The following GABRB2 variants were observed in gnomAD, a reference collection of about 807,000 sequenced individuals.
GABRB2 encodes the protein gamma-aminobutyric acid type A receptor subunit beta2, also known as gamma-aminobutyric acid receptor subunit beta-2.
A neutral mutation model predicts 54.7 loss-of-function variants in GABRB2; 16 were observed. The ratio of observed to expected loss-of-function variants is 0.29; its 90% CI spans 0.20 to 0.44. GABRB2 has a LOEUF of 0.44. GABRB2 is among the 20% of genes least tolerant of loss of function. GABRB2 has a pLI of 1.00. For synonymous variants in GABRB2, 244 were observed against 233.8 expected, an observed-to-expected ratio of 1.04 and a Z score of -0.40; for missense variants, 355 against 644.0, an observed-to-expected ratio of 0.55 and a Z score of 4.86.
chr5:161,515,901 G>A (rs1759928619), intron 3 of GABRB2, among the ~76,000 whole-genome samples: 1 of 152,148 alleles, frequency 6.6e-6, no homozygotes, highest in Non-Finnish European at 1.5e-5. Context: ...TATTAGAAAC[G>A]TATGTGAAGA....
At chr5:161,339,508 A>C (rs1376372384) in intron 5 of GABRB2, among the ~76,000 whole-genome samples, 2 of 152,116 alleles carry the variant, frequency 1.3e-5, no homozygotes, top group Non-Finnish European at 2.9e-5. Context: ...TAAGCATTCC[A>C]GATAATTCTA....
At chr5:161,419,763 A>G (rs1756794057) in intron 4 of GABRB2, among the ~76,000 whole-genome samples, 1 of 152,184 alleles carries the variant, frequency 6.6e-6, no homozygotes, top group African/African-American at 2.4e-5. Flanking sequence ...AAAAATGTGT[A>G]CACATGTACC....
rs528411794 is a variant in GABRB2, at chr5:161,305,049, G to T, written c.1192-10621C>A. On this transcript the variant is annotated intron_variant, in intron 9 of 9. Transcript: ENST00000393959. ...TTTTGAGACGGAGTCTCGCTCTGTC[G>T]CCCAGGCCGGACTGCGGACTGCAGT... 3.7e-4 allele frequency among the ~76,000 whole-genome samples: 44 copies of T among 119,852 alleles called. No homozygotes were observed. In the East Asian group the frequency reaches 8.3e-3, roughly 23 times the overall value. 78.6% of individuals were successfully genotyped at this position (119,852 alleles called of 152,430 possible).
At chr5:161,385,062 T>A (rs925130452) in intron 5 of GABRB2, among the ~76,000 whole-genome samples, 2 of 152,076 alleles carry the variant, frequency 1.3e-5, no homozygotes, top group South Asian at 2.1e-4. Flanking sequence ...GAAGAAGCAA[T>A]CCCCAGCTGC....
chr5:161,360,134 A>T (rs1035443035), intron 5 of GABRB2, among the ~76,000 whole-genome samples: 1 of 152,190 alleles, frequency 6.6e-6, no homozygotes, highest in African/African-American at 2.4e-5. Context: ...GGCTACTGAA[A>T]AGACCTTGCA....
chr5:161,446,441 A>G (rs1275683100), intron 4 of GABRB2, among the ~76,000 whole-genome samples: 1 of 152,166 alleles, frequency 6.6e-6, no homozygotes, highest in African/African-American at 2.4e-5. Flanking sequence ...GCATTCAGCT[A>G]TTCCTCTTAA....
At chr5:161,296,447 T>C (rs1580956061) in intron 9 of GABRB2, among the ~76,000 whole-genome samples, 1 of 152,210 alleles carries the variant, frequency 6.6e-6, no homozygotes, top group East Asian at 1.9e-4. Context: ...ACACCAGACC[T>C]GGCTGAGTTC....
chr5:161,321,975 C>T (rs1232295542), intron 9 of GABRB2, among the ~76,000 whole-genome samples: 1 of 152,016 alleles, frequency 6.6e-6, no homozygotes, highest in Non-Finnish European at 1.5e-5. Flanking sequence ...TGGCAATTAG[C>T]AGGATTAATT....
intron 4 of GABRB2, among the ~76,000 whole-genome samples, chr5:161,456,043 A>G (rs986054214): frequency 6.6e-6 from 1 of 152,160 alleles, no homozygotes; most frequent in Admixed American, 6.5e-5. Flanking sequence ...CTACCCCACC[A>G]ATCTTTGTTT....
rs1252383604 is a variant in GABRB2, at chr5:161,470,781, G to A, written c.238-10937C>T. On this transcript the variant is annotated intron_variant, in intron 3 of 9. Coordinates refer to ENST00000393959, the MANE Select transcript of GABRB2 (RefSeq NM_001371727.1). ...ATTTTCGGACAGTGGTTGACCACCG[G>A]TAACTTAAACCATGGAAATAGAAAC... Among the ~76,000 whole-genome samples the A allele has an allele frequency of 4.0e-5, 6 of 151,860 alleles. 1 individual carries two copies. In the East Asian group the frequency reaches 1.2e-3, roughly 29 times the overall value.
intron 5 of GABRB2, among the ~76,000 whole-genome samples, chr5:161,399,364 T>C (rs76610944): frequency 0.01 from 1,576 of 152,190 alleles, 35 homozygotes; most frequent in South Asian, 0.051. Context: ...GTTCTAAACG[T>C]GATCCAGACT....
intron 5 of GABRB2, among the ~76,000 whole-genome samples, chr5:161,401,111 G>T (rs897738192): frequency 6.6e-6 from 1 of 152,056 alleles, no homozygotes; most frequent in African/African-American, 2.4e-5. Context: ...TGCCCTCTAG[G>T]CCAGCAGTTA....
chr5:161,421,626 C>T (rs182513353), intron 4 of GABRB2, among the ~76,000 whole-genome samples: 68 of 152,226 alleles, frequency 4.5e-4, no homozygotes, highest in African/African-American at 1.5e-3. Flanking sequence ...GTTAGAGGGT[C>T]CTTTGGTGTC....
intron 4 of GABRB2, among the ~76,000 whole-genome samples, chr5:161,430,820 T>C (rs1757152630): frequency 6.6e-6 from 1 of 152,118 alleles, no homozygotes; most frequent in Non-Finnish European, 1.5e-5. Context: ...TACTCTCCCA[T>C]TCACCTAATG....
chr5:161,351,046 T>C (rs1754457192), intron 5 of GABRB2, among the ~76,000 whole-genome samples: 1 of 152,098 alleles, frequency 6.6e-6, no homozygotes, highest in South Asian at 2.1e-4. Flanking sequence ...CCCCTTCACA[T>C]ATTCATCTAT....
chr5:161,327,398 TA>T (rs1012074316), intron 8 of GABRB2, among the ~76,000 whole-genome samples: 28 of 151,896 alleles, frequency 1.8e-4, no homozygotes, highest in Non-Finnish European at 3.2e-4. Context: ...TATTTTATTT[TA>T]TTTTTTTTTG....
intron 4 of GABRB2, among the ~76,000 whole-genome samples, chr5:161,453,311 A>G (rs1757847486): frequency 6.6e-6 from 1 of 152,214 alleles, no homozygotes; most frequent in South Asian, 2.1e-4. Flanking sequence ...ATCAACAGTG[A>G]CCAAGAGTGA....
rs2113198902 is a variant in GABRB2, at chr5:161,437,919, C to T, written c.458+21705G>A. Among the ~76,000 whole-genome samples the T allele has an allele frequency of 2.0e-5, 3 of 152,278 alleles. No homozygotes were observed. The Middle Eastern group carries it at 0.01, about 518-fold the overall frequency. On this transcript the variant is annotated intron_variant, in intron 4 of 9. Transcript: ENST00000393959. ...GGTAGACTTCTAAGGTTTTTGGCTCCAGTCCCTGAGTACTGCAAGGCACTT... is the reference window on the plus strand; with the variant it reads ...GGTAGACTTCTAAGGTTTTTGGCTCTAGTCCCTGAGTACTGCAAGGCACTT...
intron 3 of GABRB2, among the ~76,000 whole-genome samples, chr5:161,524,022 C>T (rs1760197227): frequency 6.6e-6 from 1 of 151,274 alleles, no homozygotes; most frequent in Non-Finnish European, 1.5e-5. Context: ...ATCTAACCAC[C>T]ACTAGTCAGA....
Sources: allele counts gnomAD v4.1 joint callset (sites outside exome capture counted in the v4.1 genomes callset), GRCh38; gene constraint gnomAD v4.1.1; transcripts MANE v1.5; gene names NCBI Gene and HGNC (gene_info 2026-07-23, HGNC 2026-07-21).